UBE3A: variants seen among roughly 807,000 people sequenced by gnomAD.
UBE3A encodes ubiquitin-protein ligase E3A.
Under a neutral mutation model 83.4 loss-of-function variants are expected in UBE3A, and 6 were observed. That is an observed-to-expected ratio of 0.07 (90% CI 0.04 to 0.14). The LOEUF (loss-of-function observed/expected upper bound fraction) is 0.14, where lower values mean the gene tolerates loss of function less well. Among genes scored for constraint, UBE3A ranks in the 10% least tolerant of loss-of-function variants. The pLI, the probability that UBE3A is intolerant of heterozygous loss-of-function variation, is 1.00. For synonymous variants in UBE3A, 337 were observed against 355.4 expected, an observed-to-expected ratio of 0.95 and a Z score of 0.58; for missense variants, 456 against 1,036.1, an observed-to-expected ratio of 0.44 and a Z score of 7.69.
intron 3 of UBE3A, chr15:25,407,677 ATAG>A (rs1469326602): frequency 6.6e-6 from 1 of 152,392 alleles, no homozygotes; most frequent in East Asian, 1.9e-4. Flanking sequence ...CCAATCCAGT[ATAG>A]AAGAAGAAGG....
intron 4 of UBE3A, among the ~76,000 whole-genome samples, chr15:25,384,501 T>C (rs1197918053): frequency 1.3e-5 from 2 of 149,808 alleles, no homozygotes; most frequent in African/African-American, 2.5e-5. Context: ...ACAACAATGC[T>C]GAAAGAAATT....
intron 7 of UBE3A, among the ~76,000 whole-genome samples, chr15:25,358,220 A>C (rs973589567): frequency 4.0e-5 from 6 of 151,882 alleles, no homozygotes; most frequent in Admixed American, 3.3e-4. Context: ...AAAACACAAA[A>C]AATAAGCTGG....
At chr15:25,376,770 TTCC>T (rs2081294021) in intron 4 of UBE3A, among the ~76,000 whole-genome samples, 2 of 151,596 alleles carry the variant, frequency 1.3e-5, no homozygotes, top group African/African-American at 4.8e-5. Context: ...ATATTTTAAG[TTCC>T]ATCACGTGAA....
At chr15:25,404,206 G>A (rs180762937) in intron 4 of UBE3A, among the ~76,000 whole-genome samples, 14 of 151,880 alleles carry the variant, frequency 9.2e-5, no homozygotes, top group East Asian at 2.0e-4. Context: ...AATATATACC[G>A]GCATTTAAAT....
At chr15:25,422,372 T>A (rs1292005289) in intron 1 of UBE3A, among the ~76,000 whole-genome samples, 3 of 152,130 alleles carry the variant, frequency 2.0e-5, no homozygotes, top group African/African-American at 7.2e-5. Flanking sequence ...TCAAAATCAA[T>A]AAAACTATAT....
rs751838524 is a variant in UBE3A, at chr15:25,371,036, C to T, written c.1138G>A (p.Val380Ile). ...TTTGTGTCCACTTCCCCTCCCACTACATTTGCATAGTAAACCATTTTCAAG... is the reference window on the plus strand; with the variant it reads ...TTTGTGTCCACTTCCCCTCCCACTATATTTGCATAGTAAACCATTTTCAAG... ...KCLKMVYYAN[V>I]VGGEVDTNHN... Residue 380 changes from valine to isoleucine, a missense_variant, in exon 6 of 13, where the codon GTA becomes ATA. Physicochemically the swap from Val to Ile is conservative, Grantham distance 29. Transcript: ENST00000648336. The surrounding 1 kb of genome is among the most constrained non-coding windows in gnomAD (Gnocchi z 5.3). 9 of 1,613,972 alleles carry T rather than the reference C, an allele frequency of 5.6e-6. No homozygotes were observed. The highest frequency in any genetic ancestry group is 2.2e-5 in the East Asian group (1 of 44,890).
chr15:25,355,660 T>C (rs1184940438), intron 9 of UBE3A, among the ~76,000 whole-genome samples: 1 of 152,188 alleles, frequency 6.6e-6, no homozygotes, highest in East Asian at 1.9e-4. Flanking sequence ...AGCTATTAAC[T>C]ATCTCCTGCT....
intron 11 of UBE3A, among the ~76,000 whole-genome samples, chr15:25,343,538 T>G (rs946326890): frequency 6.6e-6 from 1 of 152,134 alleles, no homozygotes; most frequent in African/African-American, 2.4e-5. Flanking sequence ...AAATTTCTAC[T>G]GAGGACAGAC....
chr15:25,398,777 A>ATATATATT lies in UBE3A; in HGVS notation c.62+6683_62+6684insAATATATA. Among the ~76,000 whole-genome samples, 3 of 20,894 alleles carry ATATATATT rather than the reference A, an allele frequency of 1.4e-4. No individual in the cohort carries two copies. The East Asian group carries it at 0.016, about 111-fold the overall frequency. 13.7% of individuals were successfully genotyped at this position (20,894 alleles called of 152,430 possible). On this transcript the variant is annotated intron_variant, in intron 4 of 12. Coordinates refer to ENST00000648336, the MANE Select transcript of UBE3A (RefSeq NM_130839.5). ...ACTGATTTTATTCTTTTATTTATAT[A>ATATATATT]TATATATATATATATATATATATAT... is the stretch of plus-strand genomic sequence containing the variant.
chr15:25,356,994 C>T, intron 7 of UBE3A, 98 bp from the exon 8 acceptor site: 1 of 1,030,878 alleles, frequency 9.7e-7, no homozygotes, highest in Non-Finnish European at 1.4e-6. Flanking sequence ...GCATATAAAA[C>T]ATTTAAAATA....
intron 11 of UBE3A, chr15:25,353,985 G>T (rs191229199): frequency 3.7e-6 from 1 of 268,618 alleles, no homozygotes; most frequent in Non-Finnish European, 7.1e-6. Flanking sequence ...TTGATCCTGG[G>T]AAGCCATGTA....
chr15:25,394,258 G>A (rs746128572), intron 4 of UBE3A, among the ~76,000 whole-genome samples: 1 of 152,096 alleles, frequency 6.6e-6, no homozygotes, highest in Non-Finnish European at 1.5e-5. Context: ...TCTCAACAGA[G>A]ATTTTTCAAT....
chr15:25,401,820 CT>C (rs1466333584), intron 4 of UBE3A, among the ~76,000 whole-genome samples: 2 of 152,048 alleles, frequency 1.3e-5, no homozygotes, highest in African/African-American at 4.8e-5. Flanking sequence ...CTTTTGTCTG[CT>C]TGCTCAATTC....
chr15:25,383,335 C>A (rs1427189839), intron 4 of UBE3A, among the ~76,000 whole-genome samples: 1 of 152,030 alleles, frequency 6.6e-6, no homozygotes, highest in Non-Finnish European at 1.5e-5. Context: ...AAATCAACAC[C>A]CTTTTAGGAT....
intron 6 of UBE3A, among the ~76,000 whole-genome samples, chr15:25,366,316 A>G (rs888648597): frequency 2.0e-5 from 3 of 152,202 alleles, no homozygotes. Context: ...AAGCTCTGTG[A>G]GTCAATGAAT....
At chr15:25,400,523 C>T (rs916636971) in intron 4 of UBE3A, among the ~76,000 whole-genome samples, 2 of 152,118 alleles carry the variant, frequency 1.3e-5, no homozygotes, top group Admixed American at 6.5e-5. Flanking sequence ...TTTGCAAATG[C>T]AGAACCACTG....
chr15:25,433,815 C>G (rs1894198703), intron 1 of UBE3A, among the ~76,000 whole-genome samples: 2 of 152,150 alleles, frequency 1.3e-5, no homozygotes, highest in Non-Finnish European at 2.9e-5. Context: ...GTAGCTCACA[C>G]CTGTAATCCT....
At chr15:25,392,034 TGAAGGCAGACAGAGGAAGACAAAACCA>T (rs1322892230) in intron 4 of UBE3A, among the ~76,000 whole-genome samples, 3 of 152,130 alleles carry the variant, frequency 2.0e-5, no homozygotes, top group African/African-American at 7.2e-5. Context: ...GATAGCTCAC[TGAAGGCAGACAGAGGAAGACAAAACCA>T]GAAGGCATAA....
At chr15:25,389,511 A>G (rs1188014859) in intron 4 of UBE3A, among the ~76,000 whole-genome samples, 1 of 152,186 alleles carries the variant, frequency 6.6e-6, no homozygotes, top group Non-Finnish European at 1.5e-5. Context: ...TGTCTTTTGC[A>G]AAAGACAATG....
Sources: allele counts gnomAD v4.1 joint callset (sites outside exome capture counted in the v4.1 genomes callset), GRCh38; gene constraint gnomAD v4.1.1; non-coding constraint Gnocchi (gnomAD v3.1); transcripts MANE v1.5; gene names NCBI Gene and HGNC (gene_info 2026-07-23, HGNC 2026-07-21).